Variants in CDH12 observed in about 807,000 individuals in gnomAD.
The protein encoded by CDH12 is cadherin-12.
In CDH12, 41 loss-of-function variants were observed where a neutral mutation model predicts 74.1. The ratio of observed to expected loss-of-function variants is 0.55; its 90% CI spans 0.43 to 0.72. The LOEUF (loss-of-function observed/expected upper bound fraction) is 0.72, where lower values mean the gene tolerates loss of function less well. Ranked by LOEUF, CDH12 falls within the 30% of genes least tolerant of loss-of-function variation. CDH12 has a pLI of 0.00. For missense variants in CDH12, 945 were observed against 977.2 expected (o/e 0.97, Z 0.44); for synonymous variants, 399 against 355.0 (o/e 1.12, Z -1.39).
intron 1 of CDH12, among the ~76,000 whole-genome samples, chr5:22,729,732 T>G (rs984612039): frequency 6.6e-6 from 1 of 151,944 alleles, no homozygotes; most frequent in Non-Finnish European, 1.5e-5. Context: ...ATTAAAAGTT[T>G]GTCTTGTAGT....
intron 6 of CDH12, chr5:21,883,143 A>C (rs544993183): frequency 6.5e-7 from 1 of 1,538,686 alleles, no homozygotes; most frequent in Non-Finnish European, 9.0e-7. Context: ...AATTGGCAAT[A>C]TCATCTCTGA....
At chr5:22,295,015 A>G (rs1461119324) in intron 3 of CDH12, among the ~76,000 whole-genome samples, 6 of 152,108 alleles carry the variant, frequency 3.9e-5, no homozygotes, top group African/African-American at 1.2e-4. Flanking sequence ...CCAATCAGCA[A>G]CAGAGATGGC....
At chr5:21,994,239 G>GT (rs1490908117) in intron 5 of CDH12, among the ~76,000 whole-genome samples, 1 of 152,110 alleles carries the variant, frequency 6.6e-6, no homozygotes, top group African/African-American at 2.4e-5. Flanking sequence ...ACTGGACAAC[G>GT]TAATAGAGTC....
chr5:22,496,043 A>G (rs991586061), intron 2 of CDH12, among the ~76,000 whole-genome samples: 1 of 152,214 alleles, frequency 6.6e-6, no homozygotes, highest in South Asian at 2.1e-4. Flanking sequence ...TATTAGATGC[A>G]CACGATTCTT....
At chr5:22,742,670 T>G (rs927269859) in intron 1 of CDH12, among the ~76,000 whole-genome samples, 3 of 151,382 alleles carry the variant, frequency 2.0e-5, no homozygotes, top group African/African-American at 7.3e-5. Context: ...TAAATATCAA[T>G]ACATATATTT....
At chr5:22,131,332 A>C (rs977950355) in intron 4 of CDH12, among the ~76,000 whole-genome samples, 1 of 152,006 alleles carries the variant, frequency 6.6e-6, no homozygotes, top group Non-Finnish European at 1.5e-5. Context: ...TACAAAATGC[A>C]TCTTCACCAA....
At chr5:22,181,265 C>T (rs1244010988) in intron 4 of CDH12, among the ~76,000 whole-genome samples, 1 of 150,988 alleles carries the variant, frequency 6.6e-6, no homozygotes, top group Non-Finnish European at 1.5e-5. Flanking sequence ...CATTAGTAAG[C>T]TTTTTTTTTG....
At chr5:22,021,690 C>A (rs1385124687) in intron 5 of CDH12, among the ~76,000 whole-genome samples, 1 of 152,136 alleles carries the variant, frequency 6.6e-6, no homozygotes, top group Non-Finnish European at 1.5e-5. Context: ...AGATGATTTT[C>A]ATTCAATTGG....
intron 1 of CDH12, among the ~76,000 whole-genome samples, chr5:22,509,566 G>A (rs1736518400): frequency 6.6e-6 from 1 of 152,120 alleles, no homozygotes; most frequent in Non-Finnish European, 1.5e-5. Flanking sequence ...GGTATGAATG[G>A]CTTCCATAAG....
chr5:22,509,486 C>T (rs1736516323), intron 1 of CDH12, among the ~76,000 whole-genome samples: 1 of 152,138 alleles, frequency 6.6e-6, no homozygotes, highest in Non-Finnish European at 1.5e-5. Flanking sequence ...AAAAATAAAT[C>T]TCAAGCTACT....
chr5:22,570,931 C>T (rs1739512278), intron 1 of CDH12, among the ~76,000 whole-genome samples: 1 of 152,314 alleles, frequency 6.6e-6, no homozygotes, highest in Non-Finnish European at 1.5e-5. Flanking sequence ...GCAGCTTCTA[C>T]ATAGGAACTC....
chr5:22,395,505 T>G (rs894369067), intron 3 of CDH12, among the ~76,000 whole-genome samples: 11 of 152,246 alleles, frequency 7.2e-5, no homozygotes, highest in African/African-American at 2.6e-4. Flanking sequence ...TACAATCCTC[T>G]CACATTTAAC....
At chr5:21,859,448 G>A (rs1177138630) in intron 6 of CDH12, among the ~76,000 whole-genome samples, 1 of 151,860 alleles carries the variant, frequency 6.6e-6, no homozygotes, top group Non-Finnish European at 1.5e-5. Flanking sequence ...CCTCCACCTG[G>A]TTCTGCCTTC....
chr5:22,465,191 T>C (rs1357779640), intron 2 of CDH12, among the ~76,000 whole-genome samples: 1 of 152,220 alleles, frequency 6.6e-6, no homozygotes. Context: ...GTCTAATTCC[T>C]GGAAGTTCAC....
rs537742728 is a variant in CDH12, at chr5:22,721,762, T to G, written c.-523+131296A>C. Among the ~76,000 whole-genome samples, 5 of 152,260 alleles carry G rather than the reference T, an allele frequency of 3.3e-5. No individual in the cohort carries two copies. The East Asian group carries it at 7.8e-4, about 24-fold the overall frequency. The stretch of plus-strand genomic sequence containing the variant: ...AAGGTGATTGGATCATGGGGGCAGC[T>G]TTTTCCAATGCTGTTGTCATGATAG... On this transcript the variant is annotated intron_variant, in intron 1 of 14. Coordinates refer to ENST00000382254, the MANE Select transcript of CDH12 (RefSeq NM_004061.5).
At chr5:22,485,169 A>G (rs1259525872) in intron 2 of CDH12, among the ~76,000 whole-genome samples, 1 of 116,676 alleles carries the variant, frequency 8.6e-6, no homozygotes, top group East Asian at 2.5e-4. Flanking sequence ...GGTATACTGC[A>G]CAAGCTTTTC....
chr5:22,672,457 G>C (rs1157555798), intron 1 of CDH12, among the ~76,000 whole-genome samples: 1 of 151,936 alleles, frequency 6.6e-6, no homozygotes, highest in African/African-American at 2.4e-5. Context: ...CCATTATGGG[G>C]AGTTGGTTAG....
At chr5:22,378,572 C>T (rs953343640) in intron 3 of CDH12, among the ~76,000 whole-genome samples, 1 of 151,852 alleles carries the variant, frequency 6.6e-6, no homozygotes, top group African/African-American at 2.4e-5. Context: ...CAAAAATGAC[C>T]ACTAATAAAA....
At chr5:22,307,873 GTTTTTTTTTTTTTTT>G (rs35242143) in intron 3 of CDH12, among the ~76,000 whole-genome samples, 2 of 68,676 alleles carry the variant, frequency 2.9e-5, no homozygotes, top group East Asian at 5.1e-4. Flanking sequence ...CTTTCTTTTA[GTTTTTTTTTTTTTTT>G]TTTTTTTTTT....
Sources: allele counts gnomAD v4.1 joint callset (sites outside exome capture counted in the v4.1 genomes callset), GRCh38; gene constraint gnomAD v4.1.1; transcripts MANE v1.5; gene names NCBI Gene and HGNC (gene_info 2026-07-23, HGNC 2026-07-21).